The following CADPS2 variants were observed in gnomAD, a reference collection of about 807,000 sequenced individuals.
The protein encoded by CADPS2 is calcium-dependent secretion activator 2.
Under a neutral mutation model 172.5 loss-of-function variants are expected in CADPS2, and 93 were observed. That is an observed-to-expected ratio of 0.54 (90% CI 0.46 to 0.64). The LOEUF (loss-of-function observed/expected upper bound fraction) is 0.64. CADPS2 is among the 30% of genes least tolerant of loss of function. CADPS2 has a pLI of 0.00. For synonymous variants in CADPS2, 546 were observed against 555.2 expected (o/e 0.98, Z 0.23); for missense variants, 1,420 against 1,565.9 (o/e 0.91, Z 1.57).
intron 6 of CADPS2, among the ~76,000 whole-genome samples, chr7:122,611,991 A>G (rs1370873030): frequency 1.3e-5 from 2 of 152,100 alleles, no homozygotes; most frequent in African/African-American, 4.8e-5. Context: ...TAGGAAAAGC[A>G]TTTGACAAAA....
intron 1 of CADPS2, among the ~76,000 whole-genome samples, chr7:122,790,528 GC>G (rs1459016169): frequency 6.6e-6 from 1 of 151,802 alleles, no homozygotes; most frequent in African/African-American, 2.4e-5. Context: ...TTTAATTGTT[GC>G]AAATAAAGAC....
intron 3 of CADPS2, among the ~76,000 whole-genome samples, chr7:122,642,185 C>T (rs988692801): frequency 6.7e-6 from 1 of 150,150 alleles, no homozygotes; most frequent in Non-Finnish European, 1.5e-5. Flanking sequence ...GAGACTGAGG[C>T]AGGAGAATCA....
chr7:122,506,478 C>T (rs779094602), intron 9 of CADPS2, among the ~76,000 whole-genome samples: 3 of 152,132 alleles, frequency 2.0e-5, no homozygotes, highest in African/African-American at 4.8e-5. Flanking sequence ...ATCTGGTATA[C>T]GAAACCTCCC....
chr7:122,447,543 A>ATTTTT lies in CADPS2; in HGVS notation c.2288+3826_2288+3830dup, dbSNP rs1159112244. ...CCATGTTGATTTCTTGTTTCGGGGA[A>ATTTTT]TTTTTTTTTTTTTTTTTTTTTTTTT... On this transcript the variant is annotated intron_variant, in intron 15 of 29. Coordinates refer to ENST00000449022, the MANE Select transcript of CADPS2 (RefSeq NM_017954.11). 9.9e-3 allele frequency among the ~76,000 whole-genome samples: 886 copies of ATTTTT among 89,756 alleles called. 151 individuals carry two copies. The highest frequency in any genetic ancestry group is 0.029 in the Admixed American group (188 of 6,538). 58.9% of individuals were successfully genotyped at this position (89,756 alleles called of 152,430 possible).
In CADPS2 at chr7:122,341,362, C is replaced by T. The variant is rs549963260; in HGVS notation, c.3612+4212G>A. Among the ~76,000 whole-genome samples the T allele has an allele frequency of 2.6e-5, 4 of 152,288 alleles. No individual in the cohort carries two copies. In the South Asian group the frequency reaches 8.3e-4, roughly 32 times the overall value. ...CAATCAGTCCAGTAATTTCGGTCAT[C>T]ATTGCTAACATTAAAACTAAAAAAA... is the stretch of plus-strand genomic sequence containing the variant. On this transcript the variant is annotated intron_variant, in intron 28 of 29. Transcript: ENST00000449022.
At position 122,673,191 on chromosome 7, in the gene CADPS2, T is replaced by C. The variant is rs187933173; in HGVS notation, c.454-9622A>G. Among the ~76,000 whole-genome samples, 471 of 152,304 alleles carry C rather than the reference T, an allele frequency of 3.1e-3. 2 individuals are homozygous for C. The highest frequency in any genetic ancestry group is 0.014 in the Middle Eastern group (4 of 294). On this transcript the variant is annotated intron_variant, in intron 2 of 29. Coordinates refer to ENST00000449022, the MANE Select transcript of CADPS2 (RefSeq NM_017954.11). ...ACCCAAAGAGTGAACAGCAGCAAGA[T>C]TCATTGCAAAGAGCGAAAGAACAAA...
chr7:122,594,277 GA>G lies in CADPS2; in HGVS notation c.1224-12988del, dbSNP rs11458033. ...TAGTGAGACCCAGTCTCAAAAAGGG[GA>G]AAAAAAAATTACAAGAAGAGACAAA... On this transcript the variant is annotated intron_variant, in intron 6 of 29. Coordinates refer to ENST00000449022, the MANE Select transcript of CADPS2 (RefSeq NM_017954.11). Among the ~76,000 whole-genome samples the G allele has an allele frequency of 5.1e-3, 764 of 150,744 alleles. 7 individuals are homozygous for G. The highest frequency in any genetic ancestry group is 0.016 in the African/African-American group (659 of 41,154).
intron 1 of CADPS2, among the ~76,000 whole-genome samples, chr7:122,762,035 C>T (rs199995159): frequency 0.22 from 21,548 of 96,812 alleles, 2,217 homozygotes; most frequent in African/African-American, 0.39. Context: ...TATATACACA[C>T]ACACACACAC....
intron 3 of CADPS2, among the ~76,000 whole-genome samples, chr7:122,650,883 T>C (rs73719729): frequency 6.6e-6 from 1 of 151,926 alleles, no homozygotes; most frequent in African/African-American, 2.4e-5. Context: ...TTACCAAAAA[T>C]TTAACACATA....
chr7:122,702,475 G>A (rs758919787), intron 2 of CADPS2: 2 of 1,613,754 alleles, frequency 1.2e-6, no homozygotes, highest in East Asian at 2.2e-5. Flanking sequence ...TGGGCCTGCT[G>A]AAATTGGTCA....
chr7:122,546,474 C>T (rs947642619), intron 8 of CADPS2, among the ~76,000 whole-genome samples: 3 of 152,134 alleles, frequency 2.0e-5, no homozygotes, highest in Admixed American at 2.0e-4. Context: ...TTCATCATTC[C>T]TGTATTTTTA....
chr7:122,564,888 C>A (rs2066240693), intron 7 of CADPS2, among the ~76,000 whole-genome samples: 1 of 150,224 alleles, frequency 6.7e-6, no homozygotes, highest in Admixed American at 6.6e-5. Flanking sequence ...AAACACTACC[C>A]AGACATAAGA....
chr7:122,672,371 A>C (rs1291928060), intron 2 of CADPS2, among the ~76,000 whole-genome samples: 1 of 152,148 alleles, frequency 6.6e-6, no homozygotes, highest in Non-Finnish European at 1.5e-5. Context: ...TTCTGCCTGG[A>C]GTACCAGCAG....
intron 1 of CADPS2, 40 bp from the exon 2 acceptor site, chr7:122,737,108 T>G: frequency 2.5e-5 from 25 of 1,008,492 alleles, no homozygotes; most frequent in Non-Finnish European, 3.6e-5. Flanking sequence ...AATTGGCCAG[T>G]ACATGAAAAA....
rs567174712 is a variant in CADPS2, at chr7:122,671,037, T to C, written c.454-7468A>G. On this transcript the variant is annotated intron_variant, in intron 2 of 29. Coordinates refer to ENST00000449022, the MANE Select transcript of CADPS2 (RefSeq NM_017954.11). ...ACCATTCAGATCTCCACCCAGCTGA[T>C]CCCTACTCAGGAATTTCTTCCCCAG... Among the ~76,000 whole-genome samples, 15 of 152,260 alleles carry C rather than the reference T, an allele frequency of 9.9e-5. No individual in the cohort carries two copies. The South Asian group carries it at 2.5e-3, about 25-fold the overall frequency.
At chr7:122,632,656 T>A (rs534945500) in intron 3 of CADPS2, among the ~76,000 whole-genome samples, 1 of 152,350 alleles carries the variant, frequency 6.6e-6, no homozygotes, top group Admixed American at 6.5e-5. Flanking sequence ...GTTGGTTGAC[T>A]CTGTTGGTAA....
At chr7:122,874,103 G>A (rs531364066) in intron 1 of CADPS2, among the ~76,000 whole-genome samples, 1 of 152,028 alleles carries the variant, frequency 6.6e-6, no homozygotes, top group South Asian at 2.1e-4. Flanking sequence ...CTCCCATTCT[G>A]TAGGTTGCCT....
In CADPS2 at chr7:122,351,442, C is replaced by CT. The variant is rs377471393; in HGVS notation, c.3505-5762dup. ...TTTCAAGAATGAAGCAGCCAGTTAACTTTTTTTTTTGTTAAATTTAGCGGT... is the reference window on the plus strand; with the variant it reads ...TTTCAAGAATGAAGCAGCCAGTTAACTTTTTTTTTTTGTTAAATTTAGCGGT... On this transcript the variant is annotated intron_variant, in intron 27 of 29. Coordinates refer to ENST00000449022, the MANE Select transcript of CADPS2 (RefSeq NM_017954.11). Among the ~76,000 whole-genome samples the CT allele has an allele frequency of 6.2e-3, 772 of 124,050 alleles. 7 individuals are homozygous for CT. Among genetic ancestry groups the CT allele is most frequent in the African/African-American group, 0.021 (690 of 33,290 alleles). 81.4% of individuals were successfully genotyped at this position (124,050 alleles called of 152,430 possible).
chr7:122,704,264 A>G (rs1229052854), intron 2 of CADPS2, among the ~76,000 whole-genome samples: 2 of 152,016 alleles, frequency 1.3e-5, no homozygotes, highest in Non-Finnish European at 2.9e-5. Context: ...TTTTAAAAAA[A>G]AACTCTAGGA....
Sources: allele counts gnomAD v4.1 joint callset (sites outside exome capture counted in the v4.1 genomes callset), GRCh38; gene constraint gnomAD v4.1.1; transcripts MANE v1.5; gene names NCBI Gene and HGNC (gene_info 2026-07-23, HGNC 2026-07-21).